The following SMC1B variants were observed in gnomAD, a reference collection of about 807,000 sequenced individuals.
SMC1B encodes structural maintenance of chromosomes 1B.
Under a neutral mutation model 157.9 loss-of-function variants are expected in SMC1B, and 60 were observed. The observed-to-expected ratio is 0.38, with a 90% CI of 0.31 to 0.47. The LOEUF (loss-of-function observed/expected upper bound fraction) is 0.47, where lower values mean the gene tolerates loss of function less well. Among genes scored for constraint, SMC1B ranks in the 20% least tolerant of loss-of-function variants. SMC1B has a pLI of 0.99. For synonymous variants in SMC1B, 445 were observed against 483.0 expected (o/e 0.92, Z 1.03); for missense variants, 1,165 against 1,426.2 (o/e 0.82, Z 2.95).
chr22:45,374,703 T>TA (rs1308869330), intron 12 of SMC1B, among the ~76,000 whole-genome samples: 1 of 152,186 alleles, frequency 6.6e-6, no homozygotes, highest in Non-Finnish European at 1.5e-5. Flanking sequence ...CTACACAACT[T>TA]AAACTTCAGA....
chr22:45,372,283 T>G lies in SMC1B; in HGVS notation c.2068A>C (p.Lys690Gln). The G allele has an allele frequency of 6.3e-7, 1 of 1,590,732 alleles. No homozygotes were observed. Among genetic ancestry groups the G allele is most frequent in the African/African-American group, 1.4e-5 (1 of 73,514 alleles). The change falls in exon 13 of 25, where the codon AAG (lysine) becomes CAG (glutamine). Residue 690 changes from lysine to glutamine, a missense_variant. Physicochemically the swap from Lys to Gln is moderately conservative, Grantham distance 53 (BLOSUM62 1). Coordinates refer to ENST00000357450, the MANE Select transcript of SMC1B (RefSeq NM_148674.5). ...AAATCTGTTTCTTTGCGGAGTGTCT[T>G]CATTAAACCCTAAAAGGAAAGAAAA... ...QKIQELKGLMKTLRKETDLKQ... is the reference protein window; with the variant it reads ...QKIQELKGLMQTLRKETDLKQ...
At chr22:45,356,727 C>CTTTTTTTTTTTTTTTT in intron 19 of SMC1B, among the ~76,000 whole-genome samples, 1 of 126,430 alleles carries the variant, frequency 7.9e-6, no homozygotes, top group Non-Finnish European at 1.7e-5. Flanking sequence ...TTTTTCTTTT[C>CTTTTTTTTTTTTTTTT]TTTTTTTTTT....
chr22:45,351,932 AT>A (rs2086619734), intron 22 of SMC1B, among the ~76,000 whole-genome samples: 1 of 152,258 alleles, frequency 6.6e-6, no homozygotes, highest in Admixed American at 6.5e-5. Context: ...ATACTTCAAC[AT>A]TCTTTACTAA....
At chr22:45,408,578 T>C (rs1339970020) in intron 2 of SMC1B, 132 bp downstream of exon 2, 20 of 571,608 alleles carry the variant, frequency 3.5e-5, no homozygotes, top group Non-Finnish European at 3.0e-6. Context: ...TGAGATATGC[T>C]ATGCAAGAGA....
intron 6 of SMC1B, among the ~76,000 whole-genome samples, chr22:45,397,774 C>T (rs2087142331): frequency 6.6e-6 from 1 of 152,142 alleles, no homozygotes; most frequent in African/African-American, 2.4e-5. Flanking sequence ...AGCCCCAGAC[C>T]CAGCTACACT....
intron 14 of SMC1B, among the ~76,000 whole-genome samples, chr22:45,371,203 G>A (rs2086827588): frequency 6.6e-6 from 1 of 152,196 alleles, no homozygotes; most frequent in Admixed American, 6.5e-5. Context: ...AAAAGAATGA[G>A]ACTATAATTT....
chr22:45,356,414 T>C (rs1452609511), intron 19 of SMC1B, among the ~76,000 whole-genome samples: 4 of 152,200 alleles, frequency 2.6e-5, no homozygotes, highest in Non-Finnish European at 5.9e-5. Context: ...AACCAAAGAG[T>C]ATCTGAGACA....
intron 21 of SMC1B, among the ~76,000 whole-genome samples, chr22:45,353,123 T>C (rs543421779): frequency 2.0e-4 from 30 of 151,938 alleles, no homozygotes; most frequent in Admixed American, 7.2e-4. Context: ...ATACAAAAAT[T>C]AGCCAGGCTT....
intron 24 of SMC1B, 76 bp from the exon 25 acceptor site, chr22:45,344,733 G>C: frequency 1.1e-6 from 1 of 902,312 alleles, no homozygotes; most frequent in East Asian, 2.5e-5. Flanking sequence ...CCATTAGTGA[G>C]TCTAGAATTG....
chr22:45,344,832 C>T (rs962133739), intron 24 of SMC1B, among the ~76,000 whole-genome samples, 175 bp from the exon 25 acceptor site: 3 of 152,080 alleles, frequency 2.0e-5, no homozygotes, highest in Non-Finnish European at 4.4e-5. Flanking sequence ...ATGAGAATTT[C>T]CATTACTCAT....
chr22:45,384,592 C>T (rs2086971306), intron 11 of SMC1B, among the ~76,000 whole-genome samples: 2 of 152,014 alleles, frequency 1.3e-5, no homozygotes, highest in South Asian at 4.2e-4. Flanking sequence ...TGGTGGTGGG[C>T]ACCTGTAATC....
rs563056845 is a variant in SMC1B at position 45,394,738 on chromosome 22, T to G, written c.1284A>C (p.Ile428=). The change falls in exon 8 of 25, where the codon ATA becomes ATC. Residue 428 remains isoleucine, a synonymous_variant. Coordinates refer to ENST00000357450, the MANE Select transcript of SMC1B (RefSeq NM_148674.5). ...QGNLKQIKEQ[I]EDHKKRIEKL... Reference sequence around the variant, plus strand: ...TCTCTATTCGTTTTTTATGATCTTCTATTTGTTCTTTTATTTGTTTTAGAT... The same window carrying G: ...TCTCTATTCGTTTTTTATGATCTTCGATTTGTTCTTTTATTTGTTTTAGAT... The G allele has an allele frequency of 6.4e-7, 1 of 1,556,940 alleles. No individual in the cohort carries two copies. The highest frequency in any genetic ancestry group is 8.7e-7 in the Non-Finnish European group (1 of 1,144,916).
chr22:45,393,923 A>G, intron 8 of SMC1B, 82 bp from the exon 9 acceptor site: 2 of 927,984 alleles, frequency 2.2e-6, no homozygotes, highest in East Asian at 5.2e-5. Context: ...CCTGTCTGGC[A>G]TTGCAGGGGA....
At chr22:45,364,200 T>C (rs958348239) in intron 15 of SMC1B, among the ~76,000 whole-genome samples, 3 of 152,106 alleles carry the variant, frequency 2.0e-5, no homozygotes, top group Non-Finnish European at 4.4e-5. Context: ...CATTCCTACT[T>C]TGCCAGCTTC....
rs906542092 is a variant in SMC1B, at chr22:45,364,584, TCA to T, written c.2421-1560_2421-1559del. ...AGTGGTAGAGCCAGGGATGACACAC[TCA>T]GACAGGGGGACAACAGAATCCCTGC... is the stretch of plus-strand genomic sequence containing the variant. On this transcript the variant is annotated intron_variant, in intron 15 of 24. Coordinates refer to ENST00000357450, the MANE Select transcript of SMC1B (RefSeq NM_148674.5). 1.1e-4 allele frequency among the ~76,000 whole-genome samples: 17 copies of T among 152,250 alleles called. No homozygotes were observed. In the South Asian group the frequency reaches 1.2e-3, roughly 11 times the overall value.
chr22:45,411,369 C>T lies in SMC1B; in HGVS notation c.109+2090G>A, dbSNP rs548049094. ...CATATATTGTCTGATTCTATTTATACGAAATGTCCCAAATAGGTAAATCCA... is the reference window on the plus strand; with the variant it reads ...CATATATTGTCTGATTCTATTTATATGAAATGTCCCAAATAGGTAAATCCA... On this transcript the variant is annotated intron_variant, in intron 1 of 24. Transcript: ENST00000357450. Among the ~76,000 whole-genome samples, 4 of 152,202 alleles carry T rather than the reference C, an allele frequency of 2.6e-5. No homozygotes were observed. In the South Asian group the frequency reaches 6.2e-4, roughly 24 times the overall value.
chr22:45,361,009 G>C (rs2086716323), intron 17 of SMC1B, among the ~76,000 whole-genome samples: 1 of 145,546 alleles, frequency 6.9e-6, no homozygotes, highest in Admixed American at 6.9e-5. Context: ...TTTCACTCTT[G>C]TTGCCCAGGC....
At chr22:45,353,921 C>CA (rs1184241879) in intron 21 of SMC1B, 57 bp downstream of exon 21, 8 of 400,406 alleles carry the variant, frequency 2.0e-5, no homozygotes, top group Non-Finnish European at 2.6e-5. Context: ...AAAAAAAAAA[C>CA]AACCACCACC....
chr22:45,352,543 A>AGG lies in SMC1B; in HGVS notation c.3332_3333insCC (p.Val1112LeufsTer41). On this transcript the variant is annotated frameshift_variant, in exon 22 of 25. Transcript: ENST00000357450. LOFTEE classifies it high-confidence loss of function. ...GCATAAACCGTTTGCCTGGGGCCACACAGTTATAGCTAATTCCCTCCAAGT... is the reference window on the plus strand; with the variant it reads ...GCATAAACCGTTTGCCTGGGGCCACAGGCAGTTATAGCTAATTCCCTCCAAGT... The AGG allele has an allele frequency of 6.2e-7, 1 of 1,614,150 alleles. No homozygotes were observed. The highest frequency in any genetic ancestry group is 8.5e-7 in the Non-Finnish European group (1 of 1,179,986).
Sources: allele counts gnomAD v4.1 joint callset (sites outside exome capture counted in the v4.1 genomes callset), GRCh38; gene constraint gnomAD v4.1.1; transcripts MANE v1.5; gene names NCBI Gene and HGNC (gene_info 2026-07-23, HGNC 2026-07-21).